Variants in CEP295 observed in about 807,000 individuals in gnomAD.
CEP295 encodes the protein centrosomal protein 295.
Under a neutral mutation model 291.6 loss-of-function variants are expected in CEP295, and 190 were observed. The ratio of observed to expected loss-of-function variants is 0.65; its 90% CI spans 0.58 to 0.73. The LOEUF is 0.73. Among genes scored for constraint, CEP295 ranks in the 30% least tolerant of loss-of-function variants. The probability of loss-of-function intolerance (pLI) is 0.00; values close to 1 mark genes in which losing one functional copy is unlikely to be tolerated. For missense variants in CEP295, 2,863 were observed against 2,949.4 expected (o/e 0.97, Z 0.68); for synonymous variants, 993 against 1,038.8 (o/e 0.96, Z 0.85).
At chr11:93,715,237 C>T (rs1257371197) in intron 18 of CEP295, among the ~76,000 whole-genome samples, 1 of 152,122 alleles carries the variant, frequency 6.6e-6, no homozygotes, top group Non-Finnish European at 1.5e-5. Flanking sequence ...CTTCCTTAGG[C>T]AAAGGACTCT....
intron 16 of CEP295, 22 bp downstream of exon 16, chr11:93,702,659 G>T (rs762234150): frequency 3.9e-6 from 6 of 1,533,006 alleles, no homozygotes; most frequent in Non-Finnish European, 5.3e-6. Context: ...GTGTTTGATT[G>T]TAATTATTTC....
At chr11:93,719,164 A>G (rs1367411536) in intron 18 of CEP295, among the ~76,000 whole-genome samples, 1 of 151,588 alleles carries the variant, frequency 6.6e-6, no homozygotes, top group Non-Finnish European at 1.5e-5. Context: ...TAATCATAAT[A>G]TATATTATTT....
At chr11:93,729,004 T>C (rs1937878405) in intron 25 of CEP295, 183 bp downstream of exon 25, 1 of 558,126 alleles carries the variant, frequency 1.8e-6, no homozygotes, top group Non-Finnish European at 3.1e-6. Context: ...GTGCATTTTC[T>C]TTTAATCCCC....
chr11:93,691,989 G>A lies in CEP295; in HGVS notation c.1492G>A (p.Glu498Lys). Reference sequence around the variant, plus strand: ...GAGTTCAGTTCTACTTCATCCTCAAGAAGCAGCAGCCAGGATTAGAATGTC... The same window carrying A: ...GAGTTCAGTTCTACTTCATCCTCAAAAAGCAGCAGCCAGGATTAGAATGTC... Reference protein sequence around the residue: ...AQSSVLLHPQEAAARIRMSAR... With the variant: ...AQSSVLLHPQKAAARIRMSAR... The change falls in exon 12 of 30, where the codon GAA (glutamate) becomes AAA (lysine). Residue 498 changes from glutamate (E) to lysine (K), a missense_variant. This residue lies in a region of CEP295 where 554 missense variants were observed against 576.0 expected (regional missense o/e 0.96). Coordinates refer to ENST00000325212, the MANE Select transcript of CEP295 (RefSeq NM_033395.2). The A allele has an allele frequency of 6.5e-7, 1 of 1,543,394 alleles. No individual in the cohort carries two copies. The highest frequency in any genetic ancestry group is 8.8e-7 in the Non-Finnish European group (1 of 1,139,650).
rs189131314 is a variant in CEP295, at chr11:93,696,879, A to G, written c.1967A>G (p.Asn656Ser). Residue 656 changes from asparagine to serine, a missense_variant, in exon 15 of 30, where the codon AAC (asparagine) becomes AGC (serine). By Grantham distance (46) the Asn-to-Ser change is conservative. This residue lies in a region of CEP295 where 2,295 missense variants were observed against 2,335.7 expected (regional missense o/e 0.98). Coordinates refer to ENST00000325212, the MANE Select transcript of CEP295 (RefSeq NM_033395.2). ...DQGQRLKLSP[N>S]KYQPIQPIQT... ...GGTCAGAGACTCAAGTTGAGTCCTA[A>G]CAAATACCAACCCATACAACCTATA... 4 of 1,551,936 alleles carry G rather than the reference A, an allele frequency of 2.6e-6. No individual in the cohort carries two copies. The highest frequency in any genetic ancestry group is 1.7e-4 in the Middle Eastern group (1 of 5,996).
At chr11:93,691,174 C>G (rs918786373) in intron 10 of CEP295, among the ~76,000 whole-genome samples, 2 of 151,402 alleles carry the variant, frequency 1.3e-5, no homozygotes, top group African/African-American at 4.9e-5. Flanking sequence ...CTGTGGTATC[C>G]CCAGCATCTG....
At chr11:93,689,837 G>A (rs138142434) in intron 10 of CEP295, among the ~76,000 whole-genome samples, 2 of 152,268 alleles carry the variant, frequency 1.3e-5, no homozygotes, top group African/African-American at 4.8e-5. Flanking sequence ...GTTAACATTC[G>A]TTGAATTAAT....
chr11:93,724,136 A>G (rs752372077), intron 21 of CEP295, 118 bp from the exon 22 acceptor site: 75 of 908,414 alleles, frequency 8.3e-5, no homozygotes, highest in Middle Eastern at 6.4e-4. Context: ...CACTGGAGTT[A>G]CCTGAAAATA....
intron 6 of CEP295, among the ~76,000 whole-genome samples, chr11:93,677,347 C>CT (rs1950744585): frequency 6.6e-6 from 1 of 152,008 alleles, no homozygotes; most frequent in Non-Finnish European, 1.5e-5. Context: ...TTCAGTCAGC[C>CT]TTTTTAGCAC....
intron 17 of CEP295, among the ~76,000 whole-genome samples, chr11:93,704,973 C>G (rs1952423521): frequency 6.6e-6 from 1 of 151,872 alleles, no homozygotes; most frequent in Admixed American, 6.6e-5. Flanking sequence ...ATACATAGAC[C>G]TTTTTTGCTG....
intron 18 of CEP295, among the ~76,000 whole-genome samples, chr11:93,714,440 G>A (rs774796578): frequency 3.9e-5 from 6 of 152,102 alleles, no homozygotes; most frequent in South Asian, 2.1e-4. Flanking sequence ...TAGTAAAGAC[G>A]GGGTTTCACC....
intron 18 of CEP295, among the ~76,000 whole-genome samples, chr11:93,715,461 C>A (rs910279232): frequency 6.6e-6 from 1 of 152,114 alleles, no homozygotes; most frequent in Non-Finnish European, 1.5e-5. Context: ...ACTCCAAGAT[C>A]CCACTTGGTG....
Position 93,696,942 on chromosome 11 carries a change from C to T in CEP295, c.2030C>T (p.Ala677Val), listed in dbSNP as rs1413434716. 44 of 1,551,812 alleles carry T rather than the reference C, an allele frequency of 2.8e-5. No individual in the cohort carries two copies. The highest frequency in any genetic ancestry group is 4.1e-5 in the African/African-American group (3 of 73,016). ...TTAGAACAAGATCATTTTCAGGTAG[C>T]GAGACAAAATCACTTTCCACAAAGA... ...SKLEQDHFQVARQNHFPQRQV... is the reference protein window; with the variant it reads ...SKLEQDHFQVVRQNHFPQRQV... Residue 677 changes from alanine to valine, a missense_variant, in exon 15 of 30, where the codon GCG (alanine) becomes GTG (valine). Physicochemically the swap from Ala to Val is moderately conservative, Grantham distance 64. Transcript: ENST00000325212.
Position 93,723,253 on chromosome 11 carries a change from G to T in CEP295, c.6160G>T (p.Glu2054Ter). 1 of 1,535,760 alleles carries T rather than the reference G, an allele frequency of 6.5e-7. No individual in the cohort carries two copies. The highest frequency in any genetic ancestry group is 1.2e-5 in the South Asian group (1 of 80,834). ...FQQMIDKYIN[E>*]ANLIPEKTDL... ...GCAAATGATAGACAAGTACATTAATGAAGCAAATTTGATACCTGAAAAAAC... is the reference window on the plus strand; with the variant it reads ...GCAAATGATAGACAAGTACATTAATTAAGCAAATTTGATACCTGAAAAAAC... Residue 2054 changes from glutamate to a stop codon, truncating the protein, a stop_gained, in exon 21 of 30, where the codon GAA becomes TAA. Coordinates refer to ENST00000325212, the MANE Select transcript of CEP295 (RefSeq NM_033395.2). LOFTEE classifies it high-confidence loss of function.
chr11:93,706,931 CA>C (rs1487551428), intron 18 of CEP295, 34 bp downstream of exon 18: 2 of 1,475,600 alleles, frequency 1.4e-6, no homozygotes, highest in Non-Finnish European at 1.8e-6. Flanking sequence ...ATTGTATGCA[CA>C]AGGATATGTG....
At chr11:93,666,214 A>G (rs117510886) in intron 1 of CEP295, among the ~76,000 whole-genome samples, 1,572 of 152,266 alleles carry the variant, frequency 0.01, 15 homozygotes, top group Non-Finnish European at 0.018. Flanking sequence ...TATAATTGCT[A>G]TTTGTAAATA....
At chr11:93,690,052 G>A (rs1472731975) in intron 10 of CEP295, among the ~76,000 whole-genome samples, 1 of 152,138 alleles carries the variant, frequency 6.6e-6, no homozygotes. Flanking sequence ...AGAGAAGTAA[G>A]GGAGAATATG....
In CEP295 at chr11:93,669,759, A is replaced by T. The variant is rs1436828915; in HGVS notation, c.517A>T (p.Thr173Ser). The T allele has an allele frequency of 9.7e-6, 15 of 1,548,628 alleles. No individual in the cohort carries two copies. Among genetic ancestry groups the T allele is most frequent in the Admixed American group, 7.9e-5 (4 of 50,946 alleles). The change falls in exon 5 of 30, where the codon ACT (threonine) becomes TCT (serine). Residue 173 changes from threonine (T) to serine (S), a missense_variant. Physicochemically the swap from Thr to Ser is moderately conservative, Grantham distance 58 (BLOSUM62 1). Around this residue, in one of 3 missense-constraint regions of CEP295, gnomAD observed 554 missense variants for 576.0 expected, o/e 0.96. Transcript: ENST00000325212. The part of the protein sequence containing the change: ...KITSLPPPPP[T>S]LFENIEVKRI... ...TACAAGTCTGCCACCTCCTCCTCCA[A>T]CTCTTTTTGAGGTGAGTTTGAGTAT...
Position 93,700,055 on chromosome 11 carries a change from G to A in CEP295, c.5143G>A (p.Asp1715Asn), listed in dbSNP as rs1472197051. The A allele has an allele frequency of 1.9e-6, 3 of 1,551,806 alleles. No individual in the cohort carries two copies. Among genetic ancestry groups the A allele is most frequent in the South Asian group, 1.2e-5 (1 of 84,048 alleles). Residue 1715 changes from aspartate (D) to asparagine (N), a missense_variant, in exon 15 of 30, where the codon GAT becomes AAT. Asp to Asn is a conservative substitution (Grantham distance 23). Transcript: ENST00000325212. ...QDNLGLQKQL[D>N]LQREVLHYSQ... Reference sequence around the variant, plus strand: ...TAACTTGGGACTTCAGAAACAGTTGGATCTACAAAGAGAAGTTCTGCATTA... The same window carrying A: ...TAACTTGGGACTTCAGAAACAGTTGAATCTACAAAGAGAAGTTCTGCATTA...
Sources: gnomAD v4.1 joint callset for allele counts (sites outside exome capture counted in the v4.1 genomes callset) on GRCh38, gnomAD v4.1.1 for gene constraint, gnomAD v4.1.1 regional missense constraint, MANE v1.5 for transcripts, NCBI Gene and HGNC (gene_info 2026-07-23, HGNC 2026-07-21) for gene names.